NUSAP1: variants seen among roughly 807,000 people sequenced by gnomAD.
NUSAP1 encodes nucleolar and spindle-associated protein 1.
Under a neutral mutation model 52.8 loss-of-function variants are expected in NUSAP1, and 32 were observed. The ratio of observed to expected loss-of-function variants is 0.61; its 90% CI spans 0.46 to 0.81. The LOEUF (loss-of-function observed/expected upper bound fraction) is 0.81, where lower values mean the gene tolerates loss of function less well. NUSAP1 is among the 40% of genes least tolerant of loss of function. NUSAP1 has a pLI of 0.00. For missense variants in NUSAP1, 499 were observed against 522.3 expected (o/e 0.96, Z 0.43); for synonymous variants, 195 against 183.1 (o/e 1.06, Z -0.52).
Position 41,342,377 on chromosome 15 carries a change from C to G in NUSAP1, c.94-9C>G. The G allele has an allele frequency of 6.4e-7, 1 of 1,570,276 alleles. No homozygotes were observed. Among genetic ancestry groups the G allele is most frequent in the Admixed American group, 1.8e-5 (1 of 54,742 alleles). ...ACTTTTGGCTCTAATAATAAGGTCT[C>G]TCTTGCAGGCAACCAAGTTGTTAAA... On this transcript the variant is annotated splice_polypyrimidine_tract_variant and intron_variant, in intron 1 of 10. Coordinates refer to ENST00000559596, the MANE Select transcript of NUSAP1 (RefSeq NM_016359.5).
intron 2 of NUSAP1, 49 bp downstream of exon 2, chr15:41,342,503 T>A (rs925861689): frequency 2.2e-6 from 3 of 1,349,672 alleles, no homozygotes; most frequent in African/African-American, 2.9e-5. Context: ...AATAATCATA[T>A]TTGGTTAATG....
At chr15:41,365,871 C>T (rs2049386996) in intron 7 of NUSAP1, 2 of 173,294 alleles carry the variant, frequency 1.2e-5, no homozygotes, top group Non-Finnish European at 1.2e-5. Context: ...CAGGTACGTG[C>T]CACCATGCCC....
chr15:41,374,914 T>C (rs926360457), intron 8 of NUSAP1, among the ~76,000 whole-genome samples: 4 of 151,892 alleles, frequency 2.6e-5, no homozygotes, highest in African/African-American at 9.7e-5. Context: ...CAATCTTGGC[T>C]CACTGCAAGC....
chr15:41,346,982 G>A (rs2048600063), intron 2 of NUSAP1, among the ~76,000 whole-genome samples: 1 of 152,048 alleles, frequency 6.6e-6, no homozygotes, highest in Non-Finnish European at 1.5e-5. Flanking sequence ...AGACCAGCCT[G>A]GCCAAAATGG....
chr15:41,337,931 C>CTTTTTTTTTTTTTT (rs757341496), intron 1 of NUSAP1, among the ~76,000 whole-genome samples: 21 of 110,938 alleles, frequency 1.9e-4, no homozygotes, highest in East Asian at 2.4e-4. Flanking sequence ...TTTCTTTTTT[C>CTTTTTTTTTTTTTT]TTTTTTTTTT....
chr15:41,375,894 C>T (rs541262187), intron 9 of NUSAP1, 66 bp downstream of exon 9: 1 of 1,095,244 alleles, frequency 9.1e-7, no homozygotes, highest in East Asian at 2.4e-5. Flanking sequence ...CGCAGTGGCT[C>T]ACACCTACTA....
intron 7 of NUSAP1, among the ~76,000 whole-genome samples, chr15:41,368,437 GAAAAA>G (rs2049509381): frequency 6.6e-6 from 1 of 152,158 alleles, no homozygotes; most frequent in South Asian, 2.1e-4. Context: ...ACAGTGAACT[GAAAAA>G]TTAACTCTTC....
rs2049579731 is a variant in NUSAP1, at chr15:41,369,641, A to G, written c.849-1886A>G. Among the ~76,000 whole-genome samples, 2 of 150,808 alleles carry G rather than the reference A, an allele frequency of 1.3e-5. 1 individual carries two copies. Among genetic ancestry groups the G allele is most frequent in the South Asian group, 4.2e-4 (2 of 4,752 alleles). On this transcript the variant is annotated intron_variant, in intron 7 of 10. Transcript: ENST00000559596. ...CCAGCCTGGGCAACAAGAGCGAAAC[A>G]TTGTCTAAAAAAAAAAGAACACCAT... is the stretch of plus-strand genomic sequence containing the variant.
At chr15:41,368,112 T>TG (rs1245540970) in intron 7 of NUSAP1, among the ~76,000 whole-genome samples, 16 of 152,156 alleles carry the variant, frequency 1.1e-4, no homozygotes, top group Non-Finnish European at 1.5e-4. Flanking sequence ...TCCTTTCTTG[T>TG]GGGGGGATGA....
intron 1 of NUSAP1, among the ~76,000 whole-genome samples, chr15:41,341,947 T>G (rs2048381528): frequency 6.6e-6 from 1 of 152,226 alleles, no homozygotes; most frequent in South Asian, 2.1e-4. Context: ...ACACTGAACT[T>G]AAGTTCTTCA....
chr15:41,378,120 G>C (rs1378329844), intron 10 of NUSAP1, among the ~76,000 whole-genome samples: 1 of 152,206 alleles, frequency 6.6e-6, no homozygotes, highest in African/African-American at 2.4e-5. Context: ...AGGCTCTGCA[G>C]GTGATTCAGA....
chr15:41,349,127 T>G lies in NUSAP1; in HGVS notation c.192T>G (p.Cys64Trp). 1 of 1,613,926 alleles carries G rather than the reference T, an allele frequency of 6.2e-7. No individual in the cohort carries two copies. Among genetic ancestry groups the G allele is most frequent in the Non-Finnish European group, 8.5e-7 (1 of 1,179,848 alleles). ...QDESQTSASS[C>W]DETEIQISNQ... The stretch of plus-strand genomic sequence containing the variant: ...AAAGTCAAACTTCTGCATCCTCTTG[T>G]GATGAGACTGAGATACAGATCAGCA... The change falls in exon 3 of 11, where the codon TGT (cysteine) becomes TGG (tryptophan). Residue 64 changes from cysteine to tryptophan, a missense_variant. Physicochemically the swap from Cys to Trp is radical, Grantham distance 215. Transcript: ENST00000559596.
At position 41,356,108 on chromosome 15, in the gene NUSAP1, G is replaced by GA. The variant is rs775467155; in HGVS notation, c.524dup (p.Asn175LysfsTer2). ...TACACAGATGAGTCATCCAAACCTG[G>GA]AAAAAATAAAAGAACTGCAATCACT... On this transcript the variant is annotated frameshift_variant, in exon 5 of 11. Transcript: ENST00000559596. LOFTEE classifies it high-confidence loss of function. The GA allele has an allele frequency of 5.6e-6, 9 of 1,606,958 alleles. No individual in the cohort carries two copies. The highest frequency in any genetic ancestry group is 2.2e-5 in the East Asian group (1 of 44,826).
At chr15:41,353,594 G>A (rs1026344320) in intron 4 of NUSAP1, among the ~76,000 whole-genome samples, 12 of 151,940 alleles carry the variant, frequency 7.9e-5, no homozygotes, top group African/African-American at 2.9e-4. Context: ...CTTTAGAAAT[G>A]GTATTTCTTG....
intron 1 of NUSAP1, among the ~76,000 whole-genome samples, chr15:41,338,359 G>C (rs1392582334): frequency 6.6e-6 from 1 of 152,138 alleles, no homozygotes; most frequent in Non-Finnish European, 1.5e-5. Flanking sequence ...ACACGGTCAG[G>C]TCCAAGCATT....
At chr15:41,362,225 T>C in intron 6 of NUSAP1, among the ~76,000 whole-genome samples, 1 of 151,830 alleles carries the variant, frequency 6.6e-6, no homozygotes, top group South Asian at 2.1e-4. Context: ...ATTAATTTAT[T>C]TTAATTAATT....
At chr15:41,375,866 T>C in intron 9 of NUSAP1, 38 bp downstream of exon 9, 1 of 1,403,092 alleles carries the variant, frequency 7.1e-7, no homozygotes, top group Non-Finnish European at 1.0e-6. Context: ...GCCTGTAAAA[T>C]ACTTAAGATT....
chr15:41,336,142 C>G (rs972422246), intron 1 of NUSAP1, among the ~76,000 whole-genome samples: 1 of 151,282 alleles, frequency 6.6e-6, no homozygotes, highest in Non-Finnish European at 1.5e-5. Flanking sequence ...CACCTGTAAT[C>G]CCAGCTACTC....
chr15:41,362,591 A>AT lies in NUSAP1; in HGVS notation c.661-2799dup, dbSNP rs547069854. Among the ~76,000 whole-genome samples the AT allele has an allele frequency of 2.3e-3, 333 of 144,616 alleles. 2 individuals carry two copies. Among genetic ancestry groups the AT allele is most frequent in the Admixed American group, 3.1e-3 (44 of 14,362 alleles). The allele number at this position is 144,616 out of a possible 152,430, so 94.9% of individuals were successfully genotyped here. A position where few individuals can be genotyped will look rare whatever the true frequency, so the allele number is the denominator to read the frequency against. ...GGGCGCCCGCCACCACACCCGGCTAATTTTTTTTTTTTGTATTTTTAGTAG... is the reference window on the plus strand; with the variant it reads ...GGGCGCCCGCCACCACACCCGGCTAATTTTTTTTTTTTTGTATTTTTAGTAG... On this transcript the variant is annotated intron_variant, in intron 6 of 10. Coordinates refer to ENST00000559596, the MANE Select transcript of NUSAP1 (RefSeq NM_016359.5).
Sources: gnomAD v4.1 joint callset for allele counts (sites outside exome capture counted in the v4.1 genomes callset) on GRCh38, gnomAD v4.1.1 for gene constraint, MANE v1.5 for transcripts, NCBI Gene and HGNC (gene_info 2026-07-23, HGNC 2026-07-21) for gene names.